Variants in DYNC2H1 observed in about 807,000 individuals in gnomAD.
The protein encoded by DYNC2H1 is dynein cytoplasmic 2 heavy chain 1.
A neutral mutation model predicts 570.0 loss-of-function variants in DYNC2H1; 410 were observed. The observed-to-expected ratio is 0.72, with a 90% confidence interval of 0.66 to 0.78. The LOEUF is 0.78. Among genes scored for constraint, DYNC2H1 ranks in the 30% least tolerant of loss-of-function variants. The probability of loss-of-function intolerance (pLI) is 0.00; values close to 1 mark genes in which losing one functional copy is unlikely to be tolerated. For synonymous variants in DYNC2H1, 1,688 were observed against 1,677.6 expected, an observed-to-expected ratio of 1.01 and a Z score of -0.15; for missense variants, 4,865 against 5,046.4, an observed-to-expected ratio of 0.96 and a Z score of 1.09.
At chr11:103,433,377 ACT>A (rs1171804015) in intron 84 of DYNC2H1, among the ~76,000 whole-genome samples, 1 of 152,058 alleles carries the variant, frequency 6.6e-6, no homozygotes, top group African/African-American at 2.4e-5. Context: ...AATATTGGTA[ACT>A]CTCTTAACCA....
chr11:103,219,119 A>G (rs1863489334), intron 55 of DYNC2H1, among the ~76,000 whole-genome samples: 1 of 152,226 alleles, frequency 6.6e-6, no homozygotes, highest in Non-Finnish European at 1.5e-5. Flanking sequence ...GGATCTGGGC[A>G]TGGCAATACA....
intron 88 of DYNC2H1, 91 bp downstream of exon 88, chr11:103,468,796 T>C: frequency 2.0e-6 from 2 of 1,023,484 alleles, no homozygotes; most frequent in Non-Finnish European, 2.8e-6. Flanking sequence ...CCTGTGTATT[T>C]TTGTTTGCTT....
intron 78 of DYNC2H1, among the ~76,000 whole-genome samples, chr11:103,311,235 T>C (rs1460589186): frequency 6.6e-6 from 1 of 152,046 alleles, no homozygotes; most frequent in African/African-American, 2.4e-5. Flanking sequence ...TTCGAGGGGG[T>C]TGTTTTGCTA....
chr11:103,186,349 A>G lies in DYNC2H1; in HGVS notation c.6741A>G (p.Glu2247=), dbSNP rs372241092. The change falls in exon 42 of 89, where the codon GAA becomes GAG. Residue 2247 remains glutamate (E), a synonymous_variant. Coordinates refer to ENST00000375735, the MANE Select transcript of DYNC2H1 (RefSeq NM_001377.3). This position sits in a 1 kb window ranked among gnomAD's most constrained non-coding sequence, Gnocchi z 4.5. ...CAACATATGTGCTTAAGAAGCCAGAAGACTTGACTGCTGATGATTTCAGTA... is the reference window on the plus strand; with the variant it reads ...CAACATATGTGCTTAAGAAGCCAGAGGACTTGACTGCTGATGATTTCAGTA... ...RLATYVLKKP[E]DLTADDFSNG... is the part of the protein sequence containing the mutation. 2.5e-6 allele frequency: 4 copies of G among 1,612,910 alleles called. No individual in the cohort carries two copies. The highest frequency in any genetic ancestry group is 3.4e-6 in the Non-Finnish European group (4 of 1,179,230).
intron 6 of DYNC2H1, among the ~76,000 whole-genome samples, chr11:103,119,842 T>TA (rs1468966181): frequency 2.0e-5 from 3 of 152,240 alleles, no homozygotes; most frequent in African/African-American, 7.2e-5. Context: ...TAGACAGAAC[T>TA]GCTAACAGGT....
chr11:103,169,073 T>G (rs1861460688), intron 32 of DYNC2H1, 113 bp downstream of exon 32: 1 of 958,388 alleles, frequency 1.0e-6, no homozygotes. Context: ...CCATAATATT[T>G]TTAGTATTAT....
intron 3 of DYNC2H1, 130 bp downstream of exon 3, chr11:103,114,368 A>T: frequency 9.3e-7 from 1 of 1,076,352 alleles, no homozygotes; most frequent in Non-Finnish European, 1.3e-6. Flanking sequence ...GTTTTAAAAA[A>T]TGAGTAGATT....
chr11:103,150,321 C>T (rs111759397), intron 20 of DYNC2H1, among the ~76,000 whole-genome samples: 24 of 145,118 alleles, frequency 1.7e-4, no homozygotes, highest in African/African-American at 6.0e-4. Flanking sequence ...GTGGACAGGC[C>T]AGTTAGTAGG....
At chr11:103,463,755 T>A (rs1338404284) in intron 87 of DYNC2H1, among the ~76,000 whole-genome samples, 1 of 151,960 alleles carries the variant, frequency 6.6e-6, no homozygotes, top group African/African-American at 2.4e-5. Flanking sequence ...CTGCCGCAAA[T>A]AACCAAACAA....
Position 103,129,762 on chromosome 11 carries a change from C to G in DYNC2H1, c.1953+757C>G, listed in dbSNP as rs1166330867. The stretch of plus-strand genomic sequence containing the variant: ...TAAACTGAATGTTACTATGTGACTA[C>G]TAACTTTTTGAAGTCTGTATTTTTA... On this transcript the variant is annotated intron_variant, in intron 13 of 88. Coordinates refer to ENST00000375735, the MANE Select transcript of DYNC2H1 (RefSeq NM_001377.3). This position sits in a 1 kb window ranked among gnomAD's most constrained non-coding sequence, Gnocchi z 4.1. 3.9e-5 allele frequency among the ~76,000 whole-genome samples: 6 copies of G among 152,152 alleles called. No individual in the cohort carries two copies. Among genetic ancestry groups the G allele is most frequent in the Non-Finnish European group, 8.8e-5 (6 of 68,012 alleles).
intron 82 of DYNC2H1, among the ~76,000 whole-genome samples, chr11:103,347,703 G>T (rs1383913596): frequency 6.6e-6 from 1 of 152,130 alleles, no homozygotes; most frequent in Non-Finnish European, 1.5e-5. Context: ...TTACATGTAT[G>T]TTCTTGACCT....
intron 67 of DYNC2H1, 111 bp downstream of exon 67, chr11:103,255,645 C>T: frequency 8.8e-7 from 1 of 1,132,918 alleles, no homozygotes; most frequent in African/African-American, 1.6e-5. Flanking sequence ...TTTCCAAAGA[C>T]ATATTAGTGT....
chr11:103,162,854 A>G (rs1320943666), intron 29 of DYNC2H1, among the ~76,000 whole-genome samples, 174 bp from the exon 30 acceptor site: 2 of 152,206 alleles, frequency 1.3e-5, no homozygotes, highest in African/African-American at 4.8e-5. Flanking sequence ...AAAATAAAGA[A>G]TTATATTCCT....
chr11:103,115,944 A>G (rs75547928), intron 4 of DYNC2H1, among the ~76,000 whole-genome samples: 2,357 of 152,346 alleles, frequency 0.015, 57 homozygotes, highest in African/African-American at 0.052. Flanking sequence ...CTGAAATACT[A>G]AAAGTTTTAG....
At chr11:103,327,452 G>T (rs7948241) in intron 82 of DYNC2H1, among the ~76,000 whole-genome samples, 1 of 151,756 alleles carries the variant, frequency 6.6e-6, no homozygotes, top group African/African-American at 2.4e-5. Flanking sequence ...TATTTCATAG[G>T]CTCCAAAAAA....
chr11:103,280,817 A>G lies in DYNC2H1; in HGVS notation c.10761+404A>G, dbSNP rs1249260561. Among the ~76,000 whole-genome samples the G allele has an allele frequency of 2.0e-5, 3 of 152,058 alleles. No individual in the cohort carries two copies. The highest frequency in any genetic ancestry group is 4.4e-5 in the Non-Finnish European group (3 of 67,960). ...AAGAGGCAGCAGGTGAGGCATGAAG[A>G]TGGGCAGTTCTCAGAAGTTTTCCTG... is the stretch of plus-strand genomic sequence containing the variant. On this transcript the variant is annotated intron_variant, in intron 71 of 88. Coordinates refer to ENST00000375735, the MANE Select transcript of DYNC2H1 (RefSeq NM_001377.3). This position sits in a 1 kb window ranked among gnomAD's most constrained non-coding sequence, Gnocchi z 4.7.
Position 103,310,997 on chromosome 11 carries a change from C to T in DYNC2H1, c.11494-881C>T, listed in dbSNP as rs562860929. 5.7e-4 allele frequency among the ~76,000 whole-genome samples: 87 copies of T among 152,052 alleles called. 2 individuals carry two copies. In the South Asian group the frequency reaches 1.0e-2, roughly 17 times the overall value. On this transcript the variant is annotated intron_variant, in intron 78 of 88. Transcript: ENST00000375735. ...GATTACAAGCGTGAGCCACCATACCCAGCCACTTTTTAAAGAAGAAGGTCG... is the reference window on the plus strand; with the variant it reads ...GATTACAAGCGTGAGCCACCATACCTAGCCACTTTTTAAAGAAGAAGGTCG...
At chr11:103,281,562 C>T (rs1254512687) in intron 71 of DYNC2H1, among the ~76,000 whole-genome samples, 1 of 151,788 alleles carries the variant, frequency 6.6e-6, no homozygotes, top group Non-Finnish European at 1.5e-5. Flanking sequence ...ACATTGCTCT[C>T]AAATTTTCAT....
intron 83 of DYNC2H1, among the ~76,000 whole-genome samples, chr11:103,396,044 A>G (rs1000659106): frequency 5.9e-5 from 9 of 152,124 alleles, no homozygotes; most frequent in African/African-American, 2.2e-4. Flanking sequence ...TATCTTCCTT[A>G]TCATAGAAAA....
Sources: gnomAD v4.1 joint callset for allele counts (sites outside exome capture counted in the v4.1 genomes callset) on GRCh38, gnomAD v4.1.1 for gene constraint, Gnocchi (gnomAD v3.1) non-coding constraint, MANE v1.5 for transcripts, NCBI Gene and HGNC (gene_info 2026-07-23, HGNC 2026-07-21) for gene names.